The following GIMAP2 variants were observed in gnomAD, a reference collection of about 807,000 sequenced individuals.
GIMAP2 encodes GTPase IMAP family member 2.
Under a neutral mutation model 25.5 loss-of-function variants are expected in GIMAP2, and 22 were observed. That is an observed-to-expected ratio of 0.86 (90% CI 0.62 to 1.23). The LOEUF is 1.23. GIMAP2 is among the 50% of genes most tolerant of loss of function. The pLI is 0.00. For synonymous variants in GIMAP2, 167 were observed against 143.0 expected (o/e 1.17, Z -1.20); for missense variants, 422 against 395.7 (o/e 1.07, Z -0.56).
intron 1 of GIMAP2, among the ~76,000 whole-genome samples, 158 bp downstream of exon 1, chr7:150,685,943 C>T (rs530997762): frequency 1.3e-5 from 2 of 152,062 alleles, no homozygotes; most frequent in Non-Finnish European, 2.9e-5. Flanking sequence ...TACAGGAAAC[C>T]GATGTAATTT....
intron 1 of GIMAP2, 105 bp from the exon 2 acceptor site, chr7:150,686,943 CAAAA>C (rs1224720533): frequency 7.4e-5 from 36 of 484,568 alleles, no homozygotes; most frequent in Admixed American, 1.8e-4. Context: ...AACTGTGTCT[CAAAA>C]AAAAAAAAAA....
intron 2 of GIMAP2, among the ~76,000 whole-genome samples, chr7:150,692,062 C>A (rs1314115739): frequency 4.8e-5 from 7 of 144,462 alleles, no homozygotes; most frequent in Admixed American, 6.8e-5. Flanking sequence ...CTAAAACTAC[C>A]AAAAAAAAAA....
chr7:150,692,094 C>T (rs961424951), intron 2 of GIMAP2, among the ~76,000 whole-genome samples: 4 of 151,026 alleles, frequency 2.6e-5, no homozygotes, highest in Non-Finnish European at 5.9e-5. Context: ...GATGCGGTGG[C>T]GGGCATCTGT....
At chr7:150,690,192 A>G (rs1396131659) in intron 2 of GIMAP2, among the ~76,000 whole-genome samples, 1 of 152,164 alleles carries the variant, frequency 6.6e-6, no homozygotes, top group Non-Finnish European at 1.5e-5. Context: ...AGTTGCTACA[A>G]GAGACATTGG....
chr7:150,688,720 A>G (rs1796933360), intron 2 of GIMAP2, among the ~76,000 whole-genome samples: 1 of 152,106 alleles, frequency 6.6e-6, no homozygotes, highest in South Asian at 2.1e-4. Context: ...TGGAGAAAGA[A>G]GGTGGAGTGC....
At chr7:150,690,589 G>A (rs554731885) in intron 2 of GIMAP2, among the ~76,000 whole-genome samples, 34 of 152,290 alleles carry the variant, frequency 2.2e-4, no homozygotes, top group Middle Eastern at 3.4e-3. Context: ...CTATTTAGGT[G>A]ACTTTGTCCA....
Position 150,685,727 on chromosome 7 carries a change from G to A in GIMAP2, c.-67G>A, listed in dbSNP as rs1796893424. 1.0e-6 allele frequency: 1 copy of A among 983,730 alleles called. No homozygotes were observed. Among genetic ancestry groups the A allele is most frequent in the Non-Finnish European group, 1.2e-6 (1 of 828,390 alleles). The allele number at this position is 983,730 out of a possible 1,614,324, so 60.9% of individuals were successfully genotyped here. A position where few individuals can be genotyped will look rare whatever the true frequency, so the allele number is the denominator to read the frequency against. The stretch of plus-strand genomic sequence containing the variant: ...TTTACTTTCTTTTTCTCTTGGAGCT[G>A]AGCTATAAGACAACAGGACTGAACA... On this transcript the variant is annotated 5_prime_UTR_variant, in exon 1 of 3. Transcript: ENST00000223293.
chr7:150,692,589 G>C lies in GIMAP2; in HGVS notation c.303G>C (p.Leu101=), dbSNP rs6952002. 586,990 of 1,613,458 alleles carry C rather than the reference G, an allele frequency of 0.36. 114,962 individuals carry two copies. The highest frequency in any genetic ancestry group is 0.79 in the African/African-American group (59,470 of 74,972). Residue 101 remains leucine (L), a synonymous_variant, in exon 3 of 3, where the codon CTG becomes CTC. Coordinates refer to ENST00000223293, the MANE Select transcript of GIMAP2 (RefSeq NM_015660.3). The part of the protein sequence containing the change: ...LYKEVQRCYL[L]SAPGPHVLLL... ...AAGAGGTGCAGAGGTGCTACTTGCT[G>C]TCTGCACCAGGACCCCATGTGCTGC...
chr7:150,687,352 A>AACCTCC (rs1347368897), intron 2 of GIMAP2: 1 of 343,966 alleles, frequency 2.9e-6, no homozygotes, highest in Middle Eastern at 8.1e-4. Context: ...GGCTCACTGC[A>AACCTCC]ACCTCCACCT....
intron 2 of GIMAP2, chr7:150,689,515 T>C (rs1306145411): frequency 8.0e-5 from 56 of 703,032 alleles, no homozygotes; most frequent in Non-Finnish European, 1.6e-5. Flanking sequence ...ACGTGCAATT[T>C]GGCTGCCTCT....
At chr7:150,686,167 T>C (rs1190243220) in intron 1 of GIMAP2, among the ~76,000 whole-genome samples, 1 of 152,182 alleles carries the variant, frequency 6.6e-6, no homozygotes. Flanking sequence ...AAGGGCTTCA[T>C]AACCAGGGGC....
chr7:150,687,961 C>T (rs552599276), intron 2 of GIMAP2, among the ~76,000 whole-genome samples: 63 of 152,122 alleles, frequency 4.1e-4, no homozygotes, highest in Non-Finnish European at 8.1e-4. Context: ...TCCTCCTTAC[C>T]AAGTTGCCTT....
At position 150,693,261 on chromosome 7, in the gene GIMAP2, AAC is replaced by A. The variant is rs1796990556; in HGVS notation, c.977_978del (p.Thr326SerfsTer3). Reference protein sequence around the residue: ...IPKKLMIFLRTVIRLERKTPR... With the variant: ...IPKKLMIFLRXVIRLERKTPR... Reference sequence around the variant, plus strand: ...CCAAAAAGTTAATGATATTTTTGAGAACAGTTATTAGACTAGAACGCAAGACT... The same window carrying A: ...CCAAAAAGTTAATGATATTTTTGAGAAGTTATTAGACTAGAACGCAAGACT... On this transcript the variant is annotated frameshift_variant, in exon 3 of 3. Coordinates refer to ENST00000223293, the MANE Select transcript of GIMAP2 (RefSeq NM_015660.3). LOFTEE classifies it high-confidence loss of function. 1 of 1,595,062 alleles carries A rather than the reference AAC, an allele frequency of 6.3e-7. No homozygotes were observed. Among genetic ancestry groups the A allele is most frequent in the Non-Finnish European group, 8.5e-7 (1 of 1,174,038 alleles).
chr7:150,692,296 G>A lies in GIMAP2; in HGVS notation c.29-19G>A. The A allele has an allele frequency of 3.1e-6, 5 of 1,608,336 alleles. No individual in the cohort carries two copies. The highest frequency in any genetic ancestry group is 4.3e-6 in the Non-Finnish European group (5 of 1,175,448). On this transcript the variant is annotated intron_variant, in intron 2 of 2. Transcript: ENST00000223293. ...CCGTGATCAGTGTAGCGATAACACA[G>A]TAAACTTGCTCCTCACAGGACCACA...
intron 2 of GIMAP2, chr7:150,689,774 C>T: frequency 2.2e-6 from 1 of 456,030 alleles, no homozygotes; most frequent in Non-Finnish European, 3.9e-6. Flanking sequence ...AGCACTAATA[C>T]TTCAGGCATA....
rs771972754 is a variant in GIMAP2, at chr7:150,693,289, C to T, written c.1003C>T (p.Pro335Ser). The T allele has an allele frequency of 1.3e-6, 2 of 1,559,318 alleles. No homozygotes were observed. Residue 335 changes from proline (P) to serine (S), a missense_variant, in exon 3 of 3, where the codon CCT becomes TCT. Transcript: ENST00000223293. ...RTVIRLERKTPRL is the reference protein window; with the variant it reads ...RTVIRLERKTSRL ...AGTTATTAGACTAGAACGCAAGACTCCTAGGTTATAGTTACAGATCCCAGT... is the reference window on the plus strand; with the variant it reads ...AGTTATTAGACTAGAACGCAAGACTTCTAGGTTATAGTTACAGATCCCAGT...
intron 2 of GIMAP2, among the ~76,000 whole-genome samples, chr7:150,689,009 G>C (rs1314678134): frequency 6.6e-6 from 1 of 152,202 alleles, no homozygotes; most frequent in Non-Finnish European, 1.5e-5. Flanking sequence ...GCTGTGCCTA[G>C]TTATTTTCTG....
In GIMAP2 at chr7:150,687,105, CGTGTGTGTGTGTGTGTGTGT is replaced by C. The variant is rs35656746; in HGVS notation, c.28+49_28+68del. ...TCACTGGGGTAAGAAGGTGACTTCA[CGTGTGTGTGTGTGTGTGTGT>C]GTGTGTGTGTGTGTGTGTGTGTGTG... is the stretch of plus-strand genomic sequence containing the variant. On this transcript the variant is annotated intron_variant, in intron 2 of 2. Coordinates refer to ENST00000223293, the MANE Select transcript of GIMAP2 (RefSeq NM_015660.3). The C allele has an allele frequency of 1.5e-3, 1,867 of 1,268,018 alleles. 6 individuals are homozygous for C. The highest frequency in any genetic ancestry group is 3.7e-3 in the East Asian group (151 of 40,370). 78.5% of individuals were successfully genotyped at this position (1,268,018 alleles called of 1,614,324 possible).
At position 150,693,012 on chromosome 7, in the gene GIMAP2, C is replaced by G; in HGVS notation, c.726C>G (p.Ser242Arg). ...SDERVKEFKQ[S>R]LIKYMETQRS... ...AAAGAGTAAAGGAATTCAAACAGAG[C>G]CTTATAAAGTACATGGAAACTCAAA... The change falls in exon 3 of 3, where the codon AGC becomes AGG. Residue 242 changes from serine to arginine, a missense_variant. By Grantham distance (110) the Ser-to-Arg change is moderately radical. Coordinates refer to ENST00000223293, the MANE Select transcript of GIMAP2 (RefSeq NM_015660.3). 6.2e-7 allele frequency: 1 copy of G among 1,614,002 alleles called. No homozygotes were observed. Among genetic ancestry groups the G allele is most frequent in the Non-Finnish European group, 8.5e-7 (1 of 1,179,894 alleles).
Sources: allele counts gnomAD v4.1 joint callset (sites outside exome capture counted in the v4.1 genomes callset), GRCh38; gene constraint gnomAD v4.1.1; transcripts MANE v1.5; gene names NCBI Gene and HGNC (gene_info 2026-07-23, HGNC 2026-07-21).